The following ZEB1 variants were observed in gnomAD, a reference collection of about 807,000 sequenced individuals.
The protein encoded by ZEB1 is zinc finger E-box-binding homeobox 1.
ZEB1 carries 21 observed loss-of-function variants against 84.9 expected under a neutral mutation model. The observed-to-expected ratio is 0.25, with a 90% CI of 0.18 to 0.36. The LOEUF is 0.36. Ranked by LOEUF, ZEB1 falls within the 10% of genes least tolerant of loss-of-function variation. ZEB1 has a pLI of 1.00. For synonymous variants in ZEB1, 420 were observed against 471.1 expected, an observed-to-expected ratio of 0.89 and a Z score of 1.41; for missense variants, 1,104 against 1,330.2, an observed-to-expected ratio of 0.83 and a Z score of 2.65.
At chr10:31,321,508 T>G (rs769557040) in intron 1 of ZEB1, 1 of 1,614,054 alleles carries the variant, frequency 6.2e-7, no homozygotes, top group Non-Finnish European at 8.5e-7. Flanking sequence ...CTGTTGCCGC[T>G]GTTGCTGATG....
intron 1 of ZEB1, among the ~76,000 whole-genome samples, chr10:31,415,203 C>A (rs926643200): frequency 1.3e-5 from 2 of 152,018 alleles, no homozygotes; most frequent in African/African-American, 4.8e-5. Context: ...ATTAACTGTT[C>A]GACAGAGAGA....
At chr10:31,513,010 A>G (rs1273065549) in intron 5 of ZEB1, among the ~76,000 whole-genome samples, 2 of 152,192 alleles carry the variant, frequency 1.3e-5, no homozygotes, top group Admixed American at 6.5e-5. Context: ...ATAGGCCAAG[A>G]TAAAGACGTT....
At chr10:31,361,194 C>G in intron 1 of ZEB1, 1 of 1,611,818 alleles carries the variant, frequency 6.2e-7, no homozygotes, top group Non-Finnish European at 8.5e-7. Flanking sequence ...ATCCTGCTCT[C>G]AACTACAACA....
chr10:31,334,806 TA>T (rs902626378), intron 1 of ZEB1, among the ~76,000 whole-genome samples: 9 of 150,452 alleles, frequency 6.0e-5, no homozygotes, highest in South Asian at 4.2e-4. Flanking sequence ...GACCAATTCC[TA>T]AAAAAAAATG....
chr10:31,524,795 T>C lies in ZEB1; in HGVS notation c.2785+682T>C, dbSNP rs778285821. Among the ~76,000 whole-genome samples, 101 of 149,632 alleles carry C rather than the reference T, an allele frequency of 6.7e-4. 2 individuals are homozygous for C. Among genetic ancestry groups the C allele is most frequent in the Admixed American group, 4.9e-3 (75 of 15,168 alleles). Reference sequence around the variant, plus strand: ...CATAGGGAGACAGGATCTGGCTTCATAAAAGAAAAAGCTGCTTCATAAGCA... The same window carrying C: ...CATAGGGAGACAGGATCTGGCTTCACAAAAGAAAAAGCTGCTTCATAAGCA... On this transcript the variant is annotated intron_variant, in intron 8 of 8. Transcript: ENST00000424869.
At chr10:31,391,324 A>G (rs2049669300) in intron 1 of ZEB1, among the ~76,000 whole-genome samples, 1 of 151,490 alleles carries the variant, frequency 6.6e-6, no homozygotes, top group South Asian at 2.1e-4. Context: ...ATTTGAAAAT[A>G]TTGCCCCTCC....
intron 1 of ZEB1, chr10:31,363,848 GA>G: frequency 7.6e-7 from 1 of 1,317,626 alleles, no homozygotes; most frequent in Non-Finnish European, 1.0e-6. Context: ...CACCTGACTG[GA>G]AAAGAAGGCC....
rs180762217 is a variant in ZEB1 at position 31,420,486 on chromosome 10, A to G, written c.59-40551A>G. On this transcript the variant is annotated intron_variant, in intron 1 of 8. Coordinates refer to ENST00000424869, the MANE Select transcript of ZEB1 (RefSeq NM_001174096.2). ...GGCTCTTCACCTTTTCACAAGTGGC[A>G]GAATAGAGAGAGTTTACTGCTTTGC... is the stretch of plus-strand genomic sequence containing the variant. Among the ~76,000 whole-genome samples the G allele has an allele frequency of 1.5e-3, 233 of 152,232 alleles. 1 individual carries two copies. Among genetic ancestry groups the G allele is most frequent in the Non-Finnish European group, 1.4e-3 (95 of 68,004 alleles).
chr10:31,345,546 A>C (rs370221777), intron 1 of ZEB1, among the ~76,000 whole-genome samples: 1 of 152,230 alleles, frequency 6.6e-6, no homozygotes, highest in Non-Finnish European at 1.5e-5. Context: ...GACAAAACCA[A>C]ATCAACTGCT....
chr10:31,445,382 C>T (rs987432338), intron 1 of ZEB1, among the ~76,000 whole-genome samples: 6 of 148,950 alleles, frequency 4.0e-5, no homozygotes, highest in Non-Finnish European at 8.9e-5. Context: ...TTGACTTCCT[C>T]TTTTCCTAAT....
At chr10:31,417,124 T>A (rs2055349378) in intron 1 of ZEB1, among the ~76,000 whole-genome samples, 1 of 152,120 alleles carries the variant, frequency 6.6e-6, no homozygotes, top group African/African-American at 2.4e-5. Context: ...ATATTTTCCA[T>A]CCCCAGGCTA....
chr10:31,520,987 A>G lies in ZEB1; in HGVS notation c.1655A>G (p.Asp552Gly). The G allele has an allele frequency of 6.2e-7, 1 of 1,614,076 alleles. No homozygotes were observed. The highest frequency in any genetic ancestry group is 1.1e-5 in the South Asian group (1 of 91,078). Reference protein sequence around the residue: ...INALPELKHYDLKQPTQPPPL... With the variant: ...INALPELKHYGLKQPTQPPPL... ...GCACTTCCAGAATTAAAGCACTATG[A>G]CCTAAAGCAGCCTACTCAGCCTCCT... The change falls in exon 7 of 9, where the codon GAC becomes GGC. Residue 552 changes from aspartate (D) to glycine (G), a missense_variant. Coordinates refer to ENST00000424869, the MANE Select transcript of ZEB1 (RefSeq NM_001174096.2). The surrounding 1 kb of genome is among the most constrained non-coding windows in gnomAD (Gnocchi z 5.1).
intron 8 of ZEB1, among the ~76,000 whole-genome samples, chr10:31,524,727 A>G (rs886630973): frequency 1.3e-5 from 2 of 152,220 alleles, no homozygotes; most frequent in Non-Finnish European, 2.9e-5. Flanking sequence ...AACATAGTAC[A>G]TAGTACCCAT....
chr10:31,518,225 G>A (rs185906717), intron 6 of ZEB1, among the ~76,000 whole-genome samples: 3 of 152,214 alleles, frequency 2.0e-5, no homozygotes, highest in African/African-American at 7.2e-5. Context: ...TCCAGGCATC[G>A]CATTGGAAAA....
intron 1 of ZEB1, among the ~76,000 whole-genome samples, chr10:31,330,444 A>G (rs1452148660): frequency 1.3e-5 from 2 of 152,334 alleles, no homozygotes; most frequent in East Asian, 1.9e-4. Context: ...TCAGAGAAAG[A>G]TGCCTAAGGA....
At chr10:31,400,493 A>G (rs2051756895) in intron 1 of ZEB1, among the ~76,000 whole-genome samples, 1 of 152,008 alleles carries the variant, frequency 6.6e-6, no homozygotes. Flanking sequence ...CATTTATTCT[A>G]TTTTTAAAGT....
chr10:31,416,520 T>G (rs2055242628), intron 1 of ZEB1, among the ~76,000 whole-genome samples: 3 of 152,100 alleles, frequency 2.0e-5, no homozygotes, highest in Admixed American at 6.6e-5. Flanking sequence ...ATTAGTGTGG[T>G]GCAAGACTAT....
chr10:31,521,481 A>T lies in ZEB1; in HGVS notation c.2149A>T (p.Thr717Ser). Residue 717 changes from threonine (T) to serine (S), a missense_variant, in exon 7 of 9, where the codon ACA becomes TCA. Physicochemically the swap from Thr to Ser is moderately conservative, Grantham distance 58. Coordinates refer to ENST00000424869, the MANE Select transcript of ZEB1 (RefSeq NM_001174096.2). ...SPLNLSSSRN[T>S]QGYLYTAEGA... is the part of the protein sequence containing the mutation. ...TCTAAACCTTTCCTCATCCAGAAAT[A>T]CACAGGGTTACTTGTACACAGCTGA... is the stretch of plus-strand genomic sequence containing the variant. 1 of 1,614,148 alleles carries T rather than the reference A, an allele frequency of 6.2e-7. No homozygotes were observed.
chr10:31,451,549 C>A (rs1246583079), intron 1 of ZEB1, among the ~76,000 whole-genome samples: 6 of 152,164 alleles, frequency 3.9e-5, no homozygotes, highest in Non-Finnish European at 8.8e-5. Context: ...TTTATAAATG[C>A]AGACTTTACT....
Sources: gnomAD v4.1 joint callset for allele counts (sites outside exome capture counted in the v4.1 genomes callset) on GRCh38, gnomAD v4.1.1 for gene constraint, Gnocchi (gnomAD v3.1) non-coding constraint, MANE v1.5 for transcripts, NCBI Gene and HGNC (gene_info 2026-07-23, HGNC 2026-07-21) for gene names.